Variants in KRTAP7-1 observed in about 807,000 individuals in gnomAD.
KRTAP7-1 encodes the protein keratin-associated protein 7-1.
Under a neutral mutation model 5.1 loss-of-function variants are expected in KRTAP7-1, and 4 were observed. That is an observed-to-expected ratio of 0.78 (90% CI 0.38 to 1.79). The LOEUF is 1.79. Ranked by LOEUF, KRTAP7-1 falls within the 40% of genes most tolerant of loss-of-function variation. The pLI, the probability that KRTAP7-1 is intolerant of heterozygous loss-of-function variation, is 0.04. For missense variants in KRTAP7-1, 98 were observed against 105.3 expected (o/e 0.93, Z 0.30); for synonymous variants, 42 against 41.5 (o/e 1.01, Z -0.05).
At position 30,829,468 on chromosome 21, in the gene KRTAP7-1, G is replaced by T; in HGVS notation, c.231C>A (p.Gly77=). 6.4e-7 allele frequency: 1 copy of T among 1,551,642 alleles called. No individual in the cohort carries two copies. Among genetic ancestry groups the T allele is most frequent in the Non-Finnish European group, 8.7e-7 (1 of 1,146,958 alleles). The change falls in exon 1 of 1, where the codon GGC becomes GGA. Residue 77 remains glycine (G), a synonymous_variant. Coordinates refer to ENST00000621162, the MANE Select transcript of KRTAP7-1 (RefSeq NM_181606.3). The part of the protein sequence containing the change: ...CYGGSFYRPW[G]SGSGFGYSTY The stretch of plus-strand genomic sequence containing the variant: ...TGCTGTAGCCAAAGCCAGAGCCAGA[G>T]CCCCATGGCCTATAGAAGCTACCAC...
chr21:30,829,545 G>A lies in KRTAP7-1; in HGVS notation c.154C>T (p.Leu52=), dbSNP rs1727639465. Residue 52 remains leucine (L), a synonymous_variant, in exon 1 of 1, where the codon CTG becomes TTG. Coordinates refer to ENST00000621162, the MANE Select transcript of KRTAP7-1 (RefSeq NM_181606.3). The part of the protein sequence containing the change: ...YGCGCNGYSS[L]GYSFGGSNIN... ...TTGCTACCACCAAAGCTGTAGCCCAGGGAGCTGTAGCCATTGCATCCACAG... is the reference window on the plus strand; with the variant it reads ...TTGCTACCACCAAAGCTGTAGCCCAAGGAGCTGTAGCCATTGCATCCACAG... 1.3e-6 allele frequency: 2 copies of A among 1,551,646 alleles called. No homozygotes were observed. The highest frequency in any genetic ancestry group is 1.7e-6 in the Non-Finnish European group (2 of 1,146,952).
In KRTAP7-1 at chr21:30,829,657, G is replaced by A. The variant is rs761240224; in HGVS notation, c.42C>T (p.Tyr14=). The change falls in exon 1 of 1, where the codon TAC becomes TAT. Residue 14 remains tyrosine, a synonymous_variant. Transcript: ENST00000621162. ...CATGGAAGTTGGTCCCATAGATAGG[G>A]TATCCTGGGAAGTAGCTTCCACAGC... ...YFCCGSYFPG[Y]PIYGTNFHGT... 3.8e-4 allele frequency: 591 copies of A among 1,551,036 alleles called. 1 individual carries two copies. Among genetic ancestry groups the A allele is most frequent in the Non-Finnish European group, 4.8e-4 (555 of 1,146,616 alleles).
At position 30,829,363 on chromosome 21, in the gene KRTAP7-1, G is replaced by A. The variant is rs139603158; in HGVS notation, c.*72C>T. The A allele has an allele frequency of 1.6e-3, 2,312 of 1,453,674 alleles. 20 individuals carry two copies. The African/African-American group carries it at 0.023, about 15-fold the overall frequency. 90.0% of individuals were successfully genotyped at this position (1,453,674 alleles called of 1,614,324 possible). On this transcript the variant is annotated 3_prime_UTR_variant, in exon 1 of 1. Coordinates refer to ENST00000621162, the MANE Select transcript of KRTAP7-1 (RefSeq NM_181606.3). Reference sequence around the variant, plus strand: ...AAGCACATGGGAAGGTAGGAAGACAGTCATTGCTCTTCAGGTTGTTCTGTG... The same window carrying A: ...AAGCACATGGGAAGGTAGGAAGACAATCATTGCTCTTCAGGTTGTTCTGTG...
Position 30,829,184 on chromosome 21 carries a change from T to C in KRTAP7-1, c.*251A>G, listed in dbSNP as rs903931990. The C allele has an allele frequency of 1.7e-5, 8 of 472,354 alleles. No individual in the cohort carries two copies. The highest frequency in any genetic ancestry group is 1.6e-4 in the African/African-American group (8 of 51,590). 29.3% of individuals were successfully genotyped at this position (472,354 alleles called of 1,614,324 possible). ...TGGGAGGCAAACTACTTTTTCACTGTTAAAATTCAAGTATGACCAAAAAAA... is the reference window on the plus strand; with the variant it reads ...TGGGAGGCAAACTACTTTTTCACTGCTAAAATTCAAGTATGACCAAAAAAA... On this transcript the variant is annotated 3_prime_UTR_variant, in exon 1 of 1. Transcript: ENST00000621162.
chr21:30,829,408 C>A lies in KRTAP7-1; in HGVS notation c.*27G>T, dbSNP rs1463962134. 6.5e-7 allele frequency: 1 copy of A among 1,547,554 alleles called. No homozygotes were observed. ...TCTGTGCAGAGAATTAATTGAGAGTCCTGTAGTCACTGGAGCCATTGGTCC... is the reference window on the plus strand; with the variant it reads ...TCTGTGCAGAGAATTAATTGAGAGTACTGTAGTCACTGGAGCCATTGGTCC... On this transcript the variant is annotated 3_prime_UTR_variant, in exon 1 of 1. Transcript: ENST00000621162.
rs1985240473 is a variant in KRTAP7-1, at chr21:30,829,270, T to C, written c.*165A>G. On this transcript the variant is annotated 3_prime_UTR_variant, in exon 1 of 1. Transcript: ENST00000621162. ...GTTCAGCACCTGAGTCCTGGGTGAC[T>C]TGTCCAACAGCATCAAAGACAAAGA... The C allele has an allele frequency of 1.3e-5, 10 of 757,014 alleles. No individual in the cohort carries two copies. The Admixed American group carries it at 2.1e-4, about 16-fold the overall frequency. The allele number at this position is 757,014 out of a possible 1,614,324, so 46.9% of individuals were successfully genotyped here.
chr21:30,829,113 C>T lies in KRTAP7-1; in HGVS notation c.*322G>A, dbSNP rs1985235504. The T allele has an allele frequency of 3.9e-6, 1 of 256,632 alleles. No homozygotes were observed. Among genetic ancestry groups the T allele is most frequent in the African/African-American group, 2.2e-5 (1 of 45,294 alleles). 15.9% of individuals were successfully genotyped at this position (256,632 alleles called of 1,614,324 possible). On this transcript the variant is annotated 3_prime_UTR_variant, in exon 1 of 1. Transcript: ENST00000621162. ...TACTACCCACACCCAATTTGTAATA[C>T]ATTAATGTTGATGTAGAAGCTAATA...
Position 30,829,457 on chromosome 21 carries a change from C to T in KRTAP7-1, c.242G>A (p.Gly81Asp). Residue 81 changes from glycine (G) to aspartate (D), a missense_variant, in exon 1 of 1, where the codon GGC becomes GAC. Physicochemically the swap from Gly to Asp is moderately conservative, Grantham distance 94. Coordinates refer to ENST00000621162, the MANE Select transcript of KRTAP7-1 (RefSeq NM_181606.3). ...CCATCAGTAGGTGCTGTAGCCAAAG[C>T]CAGAGCCAGAGCCCCATGGCCTATA... ...SFYRPWGSGS[G>D]FGYSTY 1 of 1,551,542 alleles carries T rather than the reference C, an allele frequency of 6.4e-7. No individual in the cohort carries two copies. The highest frequency in any genetic ancestry group is 2.4e-5 in the East Asian group (1 of 40,908).
At position 30,829,340 on chromosome 21, in the gene KRTAP7-1, G is replaced by T; in HGVS notation, c.*95C>A. 1 of 1,345,852 alleles carries T rather than the reference G, an allele frequency of 7.4e-7. No homozygotes were observed. The highest frequency in any genetic ancestry group is 1.0e-6 in the Non-Finnish European group (1 of 997,088). The allele number at this position is 1,345,852 out of a possible 1,614,324, so 83.4% of individuals were successfully genotyped here. A position where few individuals can be genotyped will look rare whatever the true frequency, so the allele number is the denominator to read the frequency against. On this transcript the variant is annotated 3_prime_UTR_variant, in exon 1 of 1. Coordinates refer to ENST00000621162, the MANE Select transcript of KRTAP7-1 (RefSeq NM_181606.3). The stretch of plus-strand genomic sequence containing the variant: ...AGAAGATGGAAGATGTATCACCCAA[G>T]CACATGGGAAGGTAGGAAGACAGTC...
At position 30,829,719 on chromosome 21, in the gene KRTAP7-1, AT is replaced by A; in HGVS notation, c.-22del. ...GTCATGGTGGCAGCAATTGAGAAGG[AT>A]TTAGATGGATTGTGAAGGGTAAGTT... On this transcript the variant is annotated 5_prime_UTR_variant, in exon 1 of 1. Coordinates refer to ENST00000621162, the MANE Select transcript of KRTAP7-1 (RefSeq NM_181606.3). 1 of 1,533,530 alleles carries A rather than the reference AT, an allele frequency of 6.5e-7. No individual in the cohort carries two copies. Among genetic ancestry groups the A allele is most frequent in the Non-Finnish European group, 8.8e-7 (1 of 1,137,202 alleles). 95.0% of individuals were successfully genotyped at this position (1,533,530 alleles called of 1,614,324 possible). A position where few individuals can be genotyped will look rare whatever the true frequency, so the allele number is the denominator to read the frequency against.
In KRTAP7-1 at chr21:30,829,470, CCCATGGCCTATAGAAGCTA is replaced by C; in HGVS notation, c.210_228del (p.Ser71AlafsTer32). 1 of 1,551,636 alleles carries C rather than the reference CCCATGGCCTATAGAAGCTA, an allele frequency of 6.4e-7. No individual in the cohort carries two copies. The highest frequency in any genetic ancestry group is 8.7e-7 in the Non-Finnish European group (1 of 1,146,956). ...CTGTAGCCAAAGCCAGAGCCAGAGC[CCCATGGCCTATAGAAGCTA>C]CCACCATAGCAGCCGCCCAGGTTGT... On this transcript the variant is annotated frameshift_variant, in exon 1 of 1. Transcript: ENST00000621162. LOFTEE classifies it high-confidence loss of function.
At position 30,829,378 on chromosome 21, in the gene KRTAP7-1, G is replaced by T; in HGVS notation, c.*57C>A. 1 of 1,507,846 alleles carries T rather than the reference G, an allele frequency of 6.6e-7. No homozygotes were observed. The highest frequency in any genetic ancestry group is 8.9e-7 in the Non-Finnish European group (1 of 1,122,894). 93.4% of individuals were successfully genotyped at this position (1,507,846 alleles called of 1,614,324 possible). A position where few individuals can be genotyped will look rare whatever the true frequency, so the allele number is the denominator to read the frequency against. On this transcript the variant is annotated 3_prime_UTR_variant, in exon 1 of 1. Coordinates refer to ENST00000621162, the MANE Select transcript of KRTAP7-1 (RefSeq NM_181606.3). ...TAGGAAGACAGTCATTGCTCTTCAGGTTGTTCTGTGCAGAGAATTAATTGA... is the reference window on the plus strand; with the variant it reads ...TAGGAAGACAGTCATTGCTCTTCAGTTTGTTCTGTGCAGAGAATTAATTGA...
rs1487143266 is a variant in KRTAP7-1 at position 30,829,569 on chromosome 21, A to C, written c.130T>G (p.Cys44Gly). 6.4e-7 allele frequency: 1 copy of C among 1,551,662 alleles called. No individual in the cohort carries two copies. Among genetic ancestry groups the C allele is most frequent in the Admixed American group, 2.0e-5 (1 of 51,008 alleles). ...AGGGAGCTGTAGCCATTGCATCCAC[A>C]GCCATAGTTCAGGGGAGAGCCCAGA... ...VPLGSPLNYG[C>G]GCNGYSSLGY... Residue 44 changes from cysteine (C) to glycine (G), a missense_variant, in exon 1 of 1, where the codon TGT (cysteine) becomes GGT (glycine). Physicochemically the swap from Cys to Gly is radical, Grantham distance 159 (BLOSUM62 -3). Coordinates refer to ENST00000621162, the MANE Select transcript of KRTAP7-1 (RefSeq NM_181606.3).
In KRTAP7-1 at chr21:30,829,468, G is replaced by A. The variant is rs1568948969; in HGVS notation, c.231C>T (p.Gly77=). 1 of 1,551,642 alleles carries A rather than the reference G, an allele frequency of 6.4e-7. No individual in the cohort carries two copies. Among genetic ancestry groups the A allele is most frequent in the South Asian group, 1.2e-5 (1 of 84,054 alleles). ...TGCTGTAGCCAAAGCCAGAGCCAGA[G>A]CCCCATGGCCTATAGAAGCTACCAC... ...CYGGSFYRPW[G]SGSGFGYSTY The change falls in exon 1 of 1, where the codon GGC becomes GGT. Residue 77 remains glycine, a synonymous_variant. Transcript: ENST00000621162.
chr21:30,829,676 C>A lies in KRTAP7-1; in HGVS notation c.23G>T (p.Gly8Val). MTRYFCC[G>V]SYFPGYPIYG... is the part of the protein sequence containing the mutation. ...GATAGGGTATCCTGGGAAGTAGCTT[C>A]CACAGCAGAAGTAACGAGTCATGGT... is the stretch of plus-strand genomic sequence containing the variant. The change falls in exon 1 of 1, where the codon GGA becomes GTA. Residue 8 changes from glycine (G) to valine (V), a missense_variant. Coordinates refer to ENST00000621162, the MANE Select transcript of KRTAP7-1 (RefSeq NM_181606.3). The A allele has an allele frequency of 6.4e-7, 1 of 1,550,756 alleles. No individual in the cohort carries two copies. Among genetic ancestry groups the A allele is most frequent in the Middle Eastern group, 1.7e-4 (1 of 5,980 alleles).
rs1273627948 is a variant in KRTAP7-1 at position 30,829,235 on chromosome 21, A to G, written c.*200T>C. On this transcript the variant is annotated 3_prime_UTR_variant, in exon 1 of 1. Coordinates refer to ENST00000621162, the MANE Select transcript of KRTAP7-1 (RefSeq NM_181606.3). ...TGCATCTTGCTTCCTTTGTCTGTAG[A>G]TGAGTATCAGTTCAGCACCTGAGTC... 8.6e-6 allele frequency: 5 copies of G among 583,020 alleles called. No individual in the cohort carries two copies. The highest frequency in any genetic ancestry group is 3.3e-5 in the Admixed American group (1 of 30,162). The allele number at this position is 583,020 out of a possible 1,614,324, so 36.1% of individuals were successfully genotyped here.
chr21:30,829,682 C>T lies in KRTAP7-1; in HGVS notation c.17G>A (p.Cys6Tyr). The T allele has an allele frequency of 6.5e-7, 1 of 1,550,208 alleles. No individual in the cohort carries two copies. ...GTATCCTGGGAAGTAGCTTCCACAGCAGAAGTAACGAGTCATGGTGGCAGC... is the reference window on the plus strand; with the variant it reads ...GTATCCTGGGAAGTAGCTTCCACAGTAGAAGTAACGAGTCATGGTGGCAGC... MTRYFCCGSYFPGYPI... is the reference protein window; with the variant it reads MTRYFYCGSYFPGYPI... Residue 6 changes from cysteine (C) to tyrosine (Y), a missense_variant, in exon 1 of 1, where the codon TGC (cysteine) becomes TAC (tyrosine). Cys to Tyr is a radical substitution (Grantham distance 194). Transcript: ENST00000621162.
rs1189434997 is a variant in KRTAP7-1, at chr21:30,829,601, A to G, written c.98T>C (p.Val33Ala). 1 of 1,551,696 alleles carries G rather than the reference A, an allele frequency of 6.4e-7. No homozygotes were observed. The highest frequency in any genetic ancestry group is 2.4e-5 in the East Asian group (1 of 40,900). Reference sequence around the variant, plus strand: ...GTTCAGGGGAGAGCCCAGAGGCACAACACAGTTCAAGGGGGTGGCTCTGAA... The same window carrying G: ...GTTCAGGGGAGAGCCCAGAGGCACAGCACAGTTCAAGGGGGTGGCTCTGAA... ...GTFRATPLNC[V>A]VPLGSPLNYG... The change falls in exon 1 of 1, where the codon GTT becomes GCT. Residue 33 changes from valine (V) to alanine (A), a missense_variant. Coordinates refer to ENST00000621162, the MANE Select transcript of KRTAP7-1 (RefSeq NM_181606.3).
At position 30,829,618 on chromosome 21, in the gene KRTAP7-1, G is replaced by A. The variant is rs772695507; in HGVS notation, c.81C>T (p.Ala27=). Residue 27 remains alanine, a synonymous_variant, in exon 1 of 1, where the codon GCC becomes GCT. Coordinates refer to ENST00000621162, the MANE Select transcript of KRTAP7-1 (RefSeq NM_181606.3). ...YGTNFHGTFR[A]TPLNCVVPLG... ...GAGGCACAACACAGTTCAAGGGGGT[G>A]GCTCTGAAGGTCCCATGGAAGTTGG... 68 of 1,551,498 alleles carry A rather than the reference G, an allele frequency of 4.4e-5. No homozygotes were observed. In the South Asian group the frequency reaches 7.3e-4, roughly 17 times the overall value.
Sources: allele counts gnomAD v4.1 joint callset, GRCh38; gene constraint gnomAD v4.1.1; transcripts MANE v1.5; gene names NCBI Gene and HGNC (gene_info 2026-07-23, HGNC 2026-07-21).